Variants in PLA2G12B observed in about 807,000 individuals in gnomAD.
PLA2G12B encodes phospholipase A2 group XIIB, also known as group XIIB secretory phospholipase A2-like protein.
A neutral mutation model predicts 22.3 loss-of-function variants in PLA2G12B; 19 were observed. The observed-to-expected ratio is 0.85, with a 90% CI of 0.60 to 1.25. The LOEUF (loss-of-function observed/expected upper bound fraction) is 1.25, where lower values mean the gene tolerates loss of function less well. Among genes scored for constraint, PLA2G12B ranks in the 50% most tolerant of loss-of-function variants. The pLI, the probability that PLA2G12B is intolerant of heterozygous loss-of-function variation, is 0.00. For synonymous variants in PLA2G12B, 81 were observed against 94.9 expected, an observed-to-expected ratio of 0.85 and a Z score of 0.85; for missense variants, 191 against 246.6, an observed-to-expected ratio of 0.77 and a Z score of 1.51.
rs1432948466 is a variant in PLA2G12B at position 72,940,588 on chromosome 10, C to T, written c.466+581G>A. ...GTGGGAGGCTGAGGCACAGGAATCG[C>T]TTGAACCCGGAAAGCAGAGGTTGTA... On this transcript the variant is annotated intron_variant, in intron 3 of 3. Transcript: ENST00000373032. Among the ~76,000 whole-genome samples, 3 of 152,176 alleles carry T rather than the reference C, an allele frequency of 2.0e-5. No homozygotes were observed. The East Asian group carries it at 5.8e-4, about 29-fold the overall frequency.
In PLA2G12B at chr10:72,941,813, CGTGT is replaced by C. The variant is rs57931341; in HGVS notation, c.301-483_301-480del. Among the ~76,000 whole-genome samples the C allele has an allele frequency of 3.9e-3, 582 of 148,856 alleles. 6 individuals carry two copies. Among genetic ancestry groups the C allele is most frequent in the African/African-American group, 0.013 (534 of 40,694 alleles). On this transcript the variant is annotated intron_variant, in intron 2 of 3. Coordinates refer to ENST00000373032, the MANE Select transcript of PLA2G12B (RefSeq NM_032562.5). ...CAGACAGCACTATTTTAAGGGTGTG[CGTGT>C]GTGTGTGTGTGTGTGGGTGTGTGTG...
intron 1 of PLA2G12B, among the ~76,000 whole-genome samples, chr10:72,953,097 C>T (rs369098356): frequency 1.3e-5 from 2 of 152,340 alleles, no homozygotes; most frequent in South Asian, 4.1e-4. Context: ...GGCAAGGCCT[C>T]TGCGTTGGTC....
At position 72,954,536 on chromosome 10, in the gene PLA2G12B, G is replaced by T; in HGVS notation, c.150C>A (p.Phe50Leu). Residue 50 changes from phenylalanine to leucine, a missense_variant, in exon 1 of 4, where the codon TTC becomes TTA. Coordinates refer to ENST00000373032, the MANE Select transcript of PLA2G12B (RefSeq NM_032562.5). ...RGSFESVNSYFDSFLELLGGK... is the reference protein window; with the variant it reads ...RGSFESVNSYLDSFLELLGGK... Reference sequence around the variant, plus strand: ...CTCCCAGCAGCTCCAGAAAAGAATCGAAGTAGCTATTGACGGATTCAAAGC... The same window carrying T: ...CTCCCAGCAGCTCCAGAAAAGAATCTAAGTAGCTATTGACGGATTCAAAGC... 6.2e-7 allele frequency: 1 copy of T among 1,614,172 alleles called. No homozygotes were observed. The highest frequency in any genetic ancestry group is 8.5e-7 in the Non-Finnish European group (1 of 1,180,040).
intron 1 of PLA2G12B, among the ~76,000 whole-genome samples, chr10:72,943,800 G>C (rs1846397957): frequency 6.6e-6 from 1 of 152,174 alleles, no homozygotes. Context: ...GAAAGTGGGG[G>C]AAATAGGATA....
intron 1 of PLA2G12B, among the ~76,000 whole-genome samples, chr10:72,949,407 T>C (rs1474743680): frequency 6.6e-6 from 1 of 152,224 alleles, no homozygotes; most frequent in Non-Finnish European, 1.5e-5. Flanking sequence ...TTAGTTTTTC[T>C]TTTCTGTTAA....
At chr10:72,947,393 T>C (rs972293945) in intron 1 of PLA2G12B, among the ~76,000 whole-genome samples, 1 of 152,022 alleles carries the variant, frequency 6.6e-6, no homozygotes, top group African/African-American at 2.4e-5. Flanking sequence ...GTGCTGTCAC[T>C]GCACCTGACT....
intron 3 of PLA2G12B, among the ~76,000 whole-genome samples, chr10:72,936,422 T>C (rs983366742): frequency 1.3e-5 from 2 of 152,114 alleles, no homozygotes; most frequent in Non-Finnish European, 2.9e-5. Context: ...TCAAGAATGG[T>C]CAGGAAAATG....
intron 3 of PLA2G12B, among the ~76,000 whole-genome samples, chr10:72,940,581 G>A (rs1220088563): frequency 6.6e-6 from 1 of 152,080 alleles, no homozygotes; most frequent in Non-Finnish European, 1.5e-5. Flanking sequence ...CTGAGGCACA[G>A]GAATCGCTTG....
Position 72,942,626 on chromosome 10 carries a change from A to G in PLA2G12B, c.300+26T>C, listed in dbSNP as rs751593054. The stretch of plus-strand genomic sequence containing the variant: ...TGCTCTCAGTCAAAACCAACCAACC[A>G]AGAAGGTAATGCTGGCAGTACATAC... On this transcript the variant is annotated intron_variant, in intron 2 of 3. Coordinates refer to ENST00000373032, the MANE Select transcript of PLA2G12B (RefSeq NM_032562.5). 18 of 1,550,008 alleles carry G rather than the reference A, an allele frequency of 1.2e-5. No individual in the cohort carries two copies. In the African/African-American group the frequency reaches 1.8e-4, roughly 15 times the overall value.
chr10:72,953,054 C>A (rs951620598), intron 1 of PLA2G12B, among the ~76,000 whole-genome samples: 2 of 152,148 alleles, frequency 1.3e-5, no homozygotes, highest in East Asian at 3.8e-4. Flanking sequence ...CTTCCCTGTC[C>A]CATCCGTGCA....
intron 1 of PLA2G12B, among the ~76,000 whole-genome samples, chr10:72,945,335 G>A (rs749339760): frequency 2.0e-5 from 3 of 152,022 alleles, no homozygotes; most frequent in Non-Finnish European, 2.9e-5. Context: ...CTCTCTCACC[G>A]TTCACTCTAG....
intron 3 of PLA2G12B, among the ~76,000 whole-genome samples, chr10:72,936,718 T>C (rs1340924553): frequency 6.6e-6 from 1 of 152,186 alleles, no homozygotes; most frequent in African/African-American, 2.4e-5. Context: ...CAAAAACCAC[T>C]GAAGTGTATA....
intron 1 of PLA2G12B, among the ~76,000 whole-genome samples, chr10:72,946,243 C>A (rs578122482): frequency 6.6e-6 from 1 of 152,314 alleles, no homozygotes; most frequent in South Asian, 2.1e-4. Flanking sequence ...TTTCTCTTAG[C>A]AAAATGTTTT....
At chr10:72,949,400 G>C (rs1003917795) in intron 1 of PLA2G12B, among the ~76,000 whole-genome samples, 2 of 151,928 alleles carry the variant, frequency 1.3e-5, no homozygotes, top group Non-Finnish European at 2.9e-5. Context: ...AAACCATTTA[G>C]TTTTTCTTTT....
At chr10:72,949,240 G>A (rs957836590) in intron 1 of PLA2G12B, among the ~76,000 whole-genome samples, 5 of 151,976 alleles carry the variant, frequency 3.3e-5, no homozygotes, top group Admixed American at 6.6e-5. Flanking sequence ...AGAAATTCAC[G>A]GGAGTGCTTT....
At chr10:72,950,469 TTTTA>T (rs886279869) in intron 1 of PLA2G12B, among the ~76,000 whole-genome samples, 5 of 152,292 alleles carry the variant, frequency 3.3e-5, no homozygotes, top group Admixed American at 6.5e-5. Context: ...TGATATTTAT[TTTTA>T]TTTATTTATT....
rs559931383 is a variant in PLA2G12B, at chr10:72,948,410, C to T, written c.212-5670G>A. 6.6e-5 allele frequency among the ~76,000 whole-genome samples: 10 copies of T among 152,134 alleles called. No homozygotes were observed. The East Asian group carries it at 1.2e-3, about 18-fold the overall frequency. The stretch of plus-strand genomic sequence containing the variant: ...TAACTGCAGAAATTCTATTTAGAAA[C>T]GAAGCTGAAAATATAAGTTCTAAGA... On this transcript the variant is annotated intron_variant, in intron 1 of 3. Transcript: ENST00000373032.
chr10:72,946,739 T>C, intron 1 of PLA2G12B, among the ~76,000 whole-genome samples: 1 of 152,214 alleles, frequency 6.6e-6, no homozygotes, highest in South Asian at 2.1e-4. Flanking sequence ...TAAATTCTTT[T>C]GGAAAATGTC....
At chr10:72,939,316 A>C (rs1412661453) in intron 3 of PLA2G12B, among the ~76,000 whole-genome samples, 1 of 152,250 alleles carries the variant, frequency 6.6e-6, no homozygotes, top group South Asian at 2.1e-4. Context: ...TGGGCCATCA[A>C]CCCAAGGAGT....
Sources: gnomAD v4.1 joint callset for allele counts (sites outside exome capture counted in the v4.1 genomes callset) on GRCh38, gnomAD v4.1.1 for gene constraint, MANE v1.5 for transcripts, NCBI Gene and HGNC (gene_info 2026-07-23, HGNC 2026-07-21) for gene names.